TTC34: variants seen among roughly 807,000 people sequenced by gnomAD.
The protein encoded by TTC34 is tetratricopeptide repeat domain 34, also known as tetratricopeptide repeat protein 34.
Under a neutral mutation model 40.7 loss-of-function variants are expected in TTC34, and 44 were observed. That is an observed-to-expected ratio of 1.08 (90% CI 0.85 to 1.39). The LOEUF is 1.39. Ranked by LOEUF, TTC34 falls within the 40% of genes most tolerant of loss-of-function variation. The pLI, the probability that TTC34 is intolerant of heterozygous loss-of-function variation, is 0.00. For synonymous variants in TTC34, 422 were observed against 398.6 expected, an observed-to-expected ratio of 1.06 and a Z score of -0.70; for missense variants, 884 against 838.0, an observed-to-expected ratio of 1.05 and a Z score of -0.68.
intron 6 of TTC34, among the ~76,000 whole-genome samples, chr1:2,764,073 T>C (rs1272600734): frequency 7.6e-6 from 1 of 131,396 alleles, no homozygotes; most frequent in African/African-American, 2.9e-5. Flanking sequence ...CAGGTGAGCA[T>C]CCGACAGCCT....
exon 3 of TTC34, chr1:2,790,048 C>G: frequency 2.5e-6 from 1 of 397,576 alleles, no homozygotes. Context: ...CCAGGCGAAG[C>G]AGGACGCGGA....
Position 2,786,031 on chromosome 1 carries a change from G to C in TTC34, c.1855-8C>G. 1 of 1,457,016 alleles carries C rather than the reference G, an allele frequency of 6.9e-7. No individual in the cohort carries two copies. The highest frequency in any genetic ancestry group is 9.1e-7 in the Non-Finnish European group (1 of 1,096,320). The allele number at this position is 1,457,016 out of a possible 1,614,324, so 90.3% of individuals were successfully genotyped here. On this transcript the variant is annotated splice_region_variant and splice_polypyrimidine_tract_variant and intron_variant, in intron 4 of 8. Transcript: ENST00000401095. Reference sequence around the variant, plus strand: ...GACCAGCTTCTTCACCAACTGCAAGGGTGCCACAGTCACTGCCCATGCCCT... The same window carrying C: ...GACCAGCTTCTTCACCAACTGCAAGCGTGCCACAGTCACTGCCCATGCCCT...
chr1:2,760,024 C>CTGGAGAGGTGAG (rs1641644111), intron 6 of TTC34, among the ~76,000 whole-genome samples: 1 of 119,868 alleles, frequency 8.3e-6, no homozygotes, highest in Non-Finnish European at 1.7e-5. Context: ...ATCGGAGAGT[C>CTGGAGAGGTGAG]CGGAGCAGCG....
chr1:2,767,814 T>C (rs1345796878), intron 6 of TTC34, among the ~76,000 whole-genome samples: 21 of 150,136 alleles, frequency 1.4e-4, no homozygotes, highest in Admixed American at 2.6e-4. Flanking sequence ...CACTCCCAGG[T>C]GAGCATCTGA....
chr1:2,655,602 A>C (rs1414688397), intron 6 of TTC34, among the ~76,000 whole-genome samples: 2 of 150,128 alleles, frequency 1.3e-5, no homozygotes, highest in Non-Finnish European at 2.9e-5. Context: ...AGCCTGGAAC[A>C]GCACGCTGCA....
chr1:2,654,770 C>CT (rs1326155078), intron 6 of TTC34, among the ~76,000 whole-genome samples: 32 of 54,410 alleles, frequency 5.9e-4, no homozygotes, highest in African/African-American at 2.0e-3. Context: ...ACAGCAACCA[C>CT]ACCCCGGGGC....
chr1:2,748,876 C>G lies in TTC34; in HGVS notation c.2226+34733G>C, dbSNP rs1264527126. Among the ~76,000 whole-genome samples the G allele has an allele frequency of 2.2e-5, 3 of 137,828 alleles. 1 individual carries two copies. Among genetic ancestry groups the G allele is most frequent in the Non-Finnish European group, 4.6e-5 (3 of 65,714 alleles). The allele number at this position is 137,828 out of a possible 152,430, so 90.4% of individuals were successfully genotyped here. ...GCATCTGATGCTTTGGAGCAGCACC[C>G]ACACCTTCAGGTGAGCATCTGACAG... On this transcript the variant is annotated intron_variant, in intron 6 of 8. Transcript: ENST00000401095.
intron 4 of TTC34, among the ~76,000 whole-genome samples, chr1:2,786,704 C>T (rs1643594795): frequency 6.6e-6 from 1 of 152,188 alleles, no homozygotes; most frequent in Non-Finnish European, 1.5e-5. Flanking sequence ...GGAGCAAAAG[C>T]CCAGCACGGC....
intron 3 of TTC34, 41 bp from the exon 4 acceptor site, chr1:2,787,747 A>C: frequency 6.9e-7 from 1 of 1,455,636 alleles, no homozygotes. Flanking sequence ...CCCTTTTGAC[A>C]ACCCCTCCAC....
rs1334884493 is a variant in TTC34 at position 2,686,497 on chromosome 1, G to T, written c.2227-40934C>A. Among the ~76,000 whole-genome samples the T allele has an allele frequency of 8.0e-3, 849 of 106,602 alleles. 1 individual carries two copies. The highest frequency in any genetic ancestry group is 0.014 in the Admixed American group (138 of 9,870). 69.9% of individuals were successfully genotyped at this position (106,602 alleles called of 152,430 possible). A position where few individuals can be genotyped will look rare whatever the true frequency, so the allele number is the denominator to read the frequency against. ...CACCCACATGCCCAGCTGAGCCTGT[G>T]ACAGCCTCGAACAGCACCCTGCACC... is the stretch of plus-strand genomic sequence containing the variant. On this transcript the variant is annotated intron_variant, in intron 6 of 8. Transcript: ENST00000401095.
intron 2 of TTC34, 93 bp downstream of exon 2, chr1:2,799,951 C>T: frequency 5.0e-6 from 2 of 398,228 alleles, no homozygotes; most frequent in Non-Finnish European, 8.8e-6. Flanking sequence ...CCAGCACAGC[C>T]TCACCCCATC....
intron 6 of TTC34, among the ~76,000 whole-genome samples, chr1:2,750,087 C>T (rs1413522182): frequency 9.2e-5 from 9 of 97,404 alleles, no homozygotes; most frequent in African/African-American, 2.7e-4. Context: ...AGGCACACCC[C>T]CAGTGAGCAT....
chr1:2,644,550 G>A (rs1638980683), intron 7 of TTC34, 72 bp from the exon 8 acceptor site: 2 of 1,423,666 alleles, frequency 1.4e-6, no homozygotes, highest in African/African-American at 2.8e-5. Context: ...AGACTCGCTG[G>A]CCGCTCCTTC....
intron 4 of TTC34, among the ~76,000 whole-genome samples, chr1:2,787,181 T>C (rs1291006603): frequency 2.0e-5 from 3 of 152,190 alleles, no homozygotes; most frequent in African/African-American, 7.2e-5. Context: ...CTGGCCCTTA[T>C]GCTTCGTAAC....
chr1:2,749,416 A>C (rs1641244458), intron 6 of TTC34, among the ~76,000 whole-genome samples: 10 of 140,022 alleles, frequency 7.1e-5, no homozygotes, highest in Admixed American at 1.5e-4. Context: ...CCAGGTGCGC[A>C]CGTGACAGCC....
chr1:2,696,754 C>G (rs1195786913), intron 6 of TTC34, among the ~76,000 whole-genome samples: 1 of 104,484 alleles, frequency 9.6e-6, no homozygotes, highest in African/African-American at 3.2e-5. Context: ...GGAGCAGCAC[C>G]CCACACCCAT....
intron 6 of TTC34, among the ~76,000 whole-genome samples, chr1:2,653,971 C>G (rs1157546528): frequency 4.0e-5 from 6 of 151,410 alleles, no homozygotes; most frequent in African/African-American, 1.5e-4. Context: ...CACCCACAAC[C>G]ACAGGTGAGC....
At chr1:2,657,435 C>G (rs1471139892) in intron 6 of TTC34, among the ~76,000 whole-genome samples, 3 of 88,682 alleles carry the variant, frequency 3.4e-5, no homozygotes, top group Admixed American at 1.0e-4. Context: ...AGGCGAGCAT[C>G]TGAACTCATG....
chr1:2,801,549 G>A (rs1309063279), intron 1 of TTC34, 28 bp downstream of exon 1: 4 of 152,502 alleles, frequency 2.6e-5, no homozygotes, highest in South Asian at 4.2e-4. Flanking sequence ...CCCAGCATCC[G>A]CTCTCAGACA....
Sources: gnomAD v4.1 joint callset for allele counts (sites outside exome capture counted in the v4.1 genomes callset) on GRCh38, gnomAD v4.1.1 for gene constraint, MANE v1.5 for transcripts, NCBI Gene and HGNC (gene_info 2026-07-23, HGNC 2026-07-21) for gene names.